Variants in NRXN1 observed in about 807,000 individuals in gnomAD.
NRXN1 encodes the protein neurexin-1.
A neutral mutation model predicts 150.9 loss-of-function variants in NRXN1; 39 were observed. The observed-to-expected ratio is 0.26, with a 90% confidence interval of 0.20 to 0.34. NRXN1 has a LOEUF of 0.34. Among genes scored for constraint, NRXN1 ranks in the 10% least tolerant of loss-of-function variants. NRXN1 has a pLI of 1.00. For synonymous variants in NRXN1, 924 were observed against 757.0 expected, an observed-to-expected ratio of 1.22 and a Z score of -3.62; for missense variants, 1,815 against 1,949.9, an observed-to-expected ratio of 0.93 and a Z score of 1.30.
At chr2:50,603,480 A>G (rs139175390) in intron 8 of NRXN1, among the ~76,000 whole-genome samples, 2 of 152,290 alleles carry the variant, frequency 1.3e-5, no homozygotes, top group East Asian at 3.9e-4. Flanking sequence ...AAGCAGGCAG[A>G]TAGGAATCTC....
At chr2:50,788,637 A>G (rs895029257) in intron 5 of NRXN1, among the ~76,000 whole-genome samples, 34 of 151,962 alleles carry the variant, frequency 2.2e-4, no homozygotes, top group Admixed American at 6.6e-4. Context: ...GAGAGACAGA[A>G]ACCCTTTCGA....
intron 15 of NRXN1, among the ~76,000 whole-genome samples, chr2:50,485,247 A>C (rs1169268668): frequency 1.3e-5 from 2 of 152,234 alleles, no homozygotes; most frequent in Non-Finnish European, 2.9e-5. Context: ...ACAGACATCC[A>C]GATTCAAAAT....
intron 5 of NRXN1, among the ~76,000 whole-genome samples, chr2:50,886,614 C>A (rs1252215601): frequency 2.0e-5 from 3 of 151,292 alleles, no homozygotes; most frequent in Non-Finnish European, 3.0e-5. Context: ...CAAACAAATT[C>A]TATTATTAAA....
chr2:50,852,063 A>C (rs1041083702), intron 5 of NRXN1, among the ~76,000 whole-genome samples: 1 of 152,194 alleles, frequency 6.6e-6, no homozygotes, highest in African/African-American at 2.4e-5. Context: ...CACAGGTGGA[A>C]GGCCAGATGG....
chr2:50,475,886 A>AT (rs201754185), intron 15 of NRXN1, among the ~76,000 whole-genome samples: 1 of 150,538 alleles, frequency 6.6e-6, no homozygotes, highest in Non-Finnish European at 1.5e-5. Flanking sequence ...AAAAAAAAAA[A>AT]TGACCCATTA....
At chr2:50,571,963 A>T (rs1670732786) in intron 8 of NRXN1, among the ~76,000 whole-genome samples, 1 of 152,130 alleles carries the variant, frequency 6.6e-6, no homozygotes, top group Non-Finnish European at 1.5e-5. Context: ...CTCTCAGAGT[A>T]ATCTCGATTT....
At chr2:50,321,326 T>C (rs1558520949) in intron 17 of NRXN1, among the ~76,000 whole-genome samples, 2 of 152,134 alleles carry the variant, frequency 1.3e-5, no homozygotes, top group Non-Finnish European at 2.9e-5. Context: ...TAAGAAATCA[T>C]AGAACTAACA....
At chr2:50,496,125 C>T (rs1558830920) in intron 14 of NRXN1, 30 bp from the exon 15 acceptor site, 5 of 1,533,002 alleles carry the variant, frequency 3.3e-6, no homozygotes, top group East Asian at 2.4e-5. Context: ...GGGGAAAGTG[C>T]CATCACTTTT....
At chr2:50,936,881 GAATA>G (rs1323146395) in intron 2 of NRXN1, among the ~76,000 whole-genome samples, 5 of 152,098 alleles carry the variant, frequency 3.3e-5, no homozygotes, top group African/African-American at 1.2e-4. Flanking sequence ...TTTAAAAAAT[GAATA>G]AATTGTCAGG....
At chr2:50,964,504 C>T (rs1389878240) in intron 2 of NRXN1, among the ~76,000 whole-genome samples, 1 of 151,414 alleles carries the variant, frequency 6.6e-6, no homozygotes, top group East Asian at 1.9e-4. Flanking sequence ...TTCCCTCAAA[C>T]GTGTCCTATT....
chr2:50,099,603 ATTG>A (rs1700729482), intron 18 of NRXN1, among the ~76,000 whole-genome samples: 1 of 152,156 alleles, frequency 6.6e-6, no homozygotes, highest in African/African-American at 2.4e-5. Flanking sequence ...TGCTACAATT[ATTG>A]TTGTTATTCA....
At chr2:49,942,615 T>G (rs913570399) in intron 22 of NRXN1, among the ~76,000 whole-genome samples, 2 of 93,938 alleles carry the variant, frequency 2.1e-5, no homozygotes, top group South Asian at 6.4e-4. Context: ...TATTATTATT[T>G]TATTATTATT....
chr2:50,797,728 A>C (rs1182316767), intron 5 of NRXN1, among the ~76,000 whole-genome samples: 2 of 152,200 alleles, frequency 1.3e-5, no homozygotes, highest in African/African-American at 4.8e-5. Flanking sequence ...ACCTATTTCA[A>C]TGTCAGATAC....
In NRXN1 at chr2:50,713,570, T is replaced by C. The variant is rs531320529; in HGVS notation, c.833-89955A>G. On this transcript the variant is annotated intron_variant, in intron 5 of 22. Coordinates refer to ENST00000401669, the MANE Select transcript of NRXN1 (RefSeq NM_001330078.2). ...AAGTCAGCATGGAGAGAGAAAAAAA[T>C]AAATCATCCTACGCCTTTCAAATAC... is the stretch of plus-strand genomic sequence containing the variant. 4.4e-4 allele frequency among the ~76,000 whole-genome samples: 67 copies of C among 152,120 alleles called. 3 individuals are homozygous for C. The South Asian group carries it at 0.012, about 28-fold the overall frequency.
chr2:50,506,898 C>T (rs2105003023), intron 12 of NRXN1: 2 of 334,242 alleles, frequency 6.0e-6, no homozygotes, highest in Non-Finnish European at 1.1e-5. Context: ...CGCATTGATC[C>T]ATAACAAGTG....
chr2:50,585,072 C>T (rs987336383), intron 8 of NRXN1, among the ~76,000 whole-genome samples: 2 of 152,012 alleles, frequency 1.3e-5, no homozygotes. Context: ...ACCCTCTTCC[C>T]ACAGATCCTG....
rs2065284641 is a variant in NRXN1, at chr2:50,235,005, TAAAC to T, written c.3546+1780_3546+1783del. On this transcript the variant is annotated intron_variant, in intron 18 of 22. Coordinates refer to ENST00000401669, the MANE Select transcript of NRXN1 (RefSeq NM_001330078.2). Reference sequence around the variant, plus strand: ...AGTCTAAAACTCTTTGACCATAAAATAAACAACAGTGGTTTGAGTAATTCAATAA... The same window carrying T: ...AGTCTAAAACTCTTTGACCATAAAATAACAGTGGTTTGAGTAATTCAATAA... Among the ~76,000 whole-genome samples the T allele has an allele frequency of 2.0e-5, 3 of 152,202 alleles. No homozygotes were observed. In the South Asian group the frequency reaches 6.2e-4, roughly 32 times the overall value.
chr2:50,534,670 G>C (rs558267706), intron 10 of NRXN1, among the ~76,000 whole-genome samples: 10 of 152,248 alleles, frequency 6.6e-5, no homozygotes, highest in Admixed American at 5.9e-4. Context: ...AAGTGTAAAA[G>C]TCATTATCAT....
At chr2:50,867,080 G>C (rs1448401473) in intron 5 of NRXN1, among the ~76,000 whole-genome samples, 1 of 151,926 alleles carries the variant, frequency 6.6e-6, no homozygotes, top group Non-Finnish European at 1.5e-5. Context: ...TTCACCATGA[G>C]CATTGAGTTT....
Sources: gnomAD v4.1 joint callset for allele counts (sites outside exome capture counted in the v4.1 genomes callset) on GRCh38, gnomAD v4.1.1 for gene constraint, MANE v1.5 for transcripts, NCBI Gene and HGNC (gene_info 2026-07-23, HGNC 2026-07-21) for gene names.